The following TMTC1 variants were observed in gnomAD, a reference collection of about 807,000 sequenced individuals.
The protein encoded by TMTC1 is protein O-mannosyl-transferase TMTC1.
A neutral mutation model predicts 104.8 loss-of-function variants in TMTC1; 73 were observed. The observed-to-expected ratio is 0.70, with a 90% confidence interval of 0.58 to 0.85. The LOEUF is 0.85. TMTC1 is among the 40% of genes least tolerant of loss of function. The pLI is 0.00. For synonymous variants in TMTC1, 434 were observed against 428.7 expected (o/e 1.01, Z -0.15); for missense variants, 1,035 against 1,096.1 (o/e 0.94, Z 0.79).
chr12:29,604,376 C>A (rs1209904794), intron 6 of TMTC1, 77 bp from the exon 7 acceptor site: 1 of 1,578,424 alleles, frequency 6.3e-7, no homozygotes, highest in Non-Finnish European at 8.7e-7. Context: ...ATCTCCTTCA[C>A]TTTCAGGTTC....
chr12:29,715,457 C>G (rs540043237), intron 5 of TMTC1, among the ~76,000 whole-genome samples: 1 of 152,256 alleles, frequency 6.6e-6, no homozygotes, highest in East Asian at 1.9e-4. Flanking sequence ...AAAACTTATC[C>G]ATCTCAGTGA....
At chr12:29,766,350 AT>A (rs1244301635) in intron 2 of TMTC1, among the ~76,000 whole-genome samples, 1 of 152,210 alleles carries the variant, frequency 6.6e-6, no homozygotes, top group Non-Finnish European at 1.5e-5. Context: ...TCTTGTGTCC[AT>A]TCAAATAAAC....
intron 5 of TMTC1, among the ~76,000 whole-genome samples, chr12:29,664,109 C>A (rs1197374907): frequency 6.7e-6 from 1 of 149,822 alleles, no homozygotes; most frequent in Non-Finnish European, 1.5e-5. Flanking sequence ...ATGGCGTGAA[C>A]CCGGGAGGCG....
intron 9 of TMTC1, among the ~76,000 whole-genome samples, chr12:29,561,327 C>A (rs562352807): frequency 1.3e-5 from 2 of 152,278 alleles, no homozygotes; most frequent in African/African-American, 4.8e-5. Flanking sequence ...TGGAATAATT[C>A]TTTTCATCTT....
At chr12:29,597,388 G>A (rs1048941248) in intron 7 of TMTC1, among the ~76,000 whole-genome samples, 8 of 151,612 alleles carry the variant, frequency 5.3e-5, no homozygotes, top group South Asian at 4.1e-4. Context: ...CCATGTGAAC[G>A]TCTACGCATC....
rs1031562885 is a variant in TMTC1 at position 29,783,076 on chromosome 12, A to G, written c.302+374T>C. On this transcript the variant is annotated intron_variant, in intron 1 of 17. Coordinates refer to ENST00000539277, the MANE Select transcript of TMTC1 (RefSeq NM_001193451.2). This position sits in a 1 kb window ranked among gnomAD's most constrained non-coding sequence, Gnocchi z 4.7. ...ACTTGGAAGCATCGCCACCACCGCC[A>G]CCCCTCCGGAACCCTCTGGGTCCGC... 33 of 223,248 alleles carry G rather than the reference A, an allele frequency of 1.5e-4. No homozygotes were observed. Among genetic ancestry groups the G allele is most frequent in the Non-Finnish European group, 2.6e-4 (30 of 114,968 alleles). The allele number at this position is 223,248 out of a possible 1,614,324, so 13.8% of individuals were successfully genotyped here.
chr12:29,756,750 G>A (rs902097877), intron 3 of TMTC1, among the ~76,000 whole-genome samples: 4 of 152,060 alleles, frequency 2.6e-5, no homozygotes, highest in Admixed American at 2.0e-4. Context: ...TGAAGTAAAG[G>A]CCAATGTTTC....
At chr12:29,548,593 G>A (rs1945003785) in intron 10 of TMTC1, among the ~76,000 whole-genome samples, 1 of 151,896 alleles carries the variant, frequency 6.6e-6, no homozygotes. Context: ...CTTTGCTCCT[G>A]CTTCACCTTG....
intron 5 of TMTC1, among the ~76,000 whole-genome samples, chr12:29,634,283 T>C (rs373663920): frequency 1.3e-5 from 2 of 152,156 alleles, no homozygotes; most frequent in African/African-American, 4.8e-5. Context: ...AGCATCTCCC[T>C]CAAGGACCCG....
At chr12:29,642,906 C>G (rs1938923269) in intron 5 of TMTC1, among the ~76,000 whole-genome samples, 1 of 150,806 alleles carries the variant, frequency 6.6e-6, no homozygotes, top group Non-Finnish European at 1.5e-5. Context: ...GCCTGGGTGA[C>G]AGAGCGAGAC....
chr12:29,511,525 C>T (rs930527753), intron 17 of TMTC1, among the ~76,000 whole-genome samples: 13 of 152,108 alleles, frequency 8.5e-5, no homozygotes, highest in African/African-American at 3.1e-4. Context: ...TTTGGGAAGA[C>T]TCACCCAAAG....
At chr12:29,513,772 G>C (rs1373354722) in intron 16 of TMTC1, among the ~76,000 whole-genome samples, 2 of 152,104 alleles carry the variant, frequency 1.3e-5, no homozygotes, top group Admixed American at 1.3e-4. Flanking sequence ...CACCTTGTAA[G>C]ATGCAAAACA....
chr12:29,767,826 G>T, intron 2 of TMTC1, 72 bp downstream of exon 2: 1 of 1,369,582 alleles, frequency 7.3e-7, no homozygotes. Context: ...ATATATGTGT[G>T]TGTATACACG....
At position 29,712,095 on chromosome 12, in the gene TMTC1, C is replaced by T. The variant is rs1941946359; in HGVS notation, c.938+39571G>A. On this transcript the variant is annotated intron_variant, in intron 5 of 17. Coordinates refer to ENST00000539277, the MANE Select transcript of TMTC1 (RefSeq NM_001193451.2). ...GCTCTTCATCAGGGGACACTGCTCT[C>T]CAGCTCTCCAATATAACGCAAACTT... Among the ~76,000 whole-genome samples, 5 of 151,698 alleles carry T rather than the reference C, an allele frequency of 3.3e-5. No homozygotes were observed. The South Asian group carries it at 1.0e-3, about 32-fold the overall frequency.
intron 5 of TMTC1, among the ~76,000 whole-genome samples, chr12:29,699,890 C>T: frequency 1.3e-5 from 2 of 152,070 alleles, no homozygotes; most frequent in Non-Finnish European, 1.5e-5. Context: ...GATCCTCCCA[C>T]CTCAACCTCC....
At chr12:29,662,654 G>A (rs1381409151) in intron 5 of TMTC1, among the ~76,000 whole-genome samples, 1 of 124,408 alleles carries the variant, frequency 8.0e-6, no homozygotes, top group Non-Finnish European at 1.7e-5. Context: ...GTGACAGAGC[G>A]AGACTCCGTC....
intron 1 of TMTC1, among the ~76,000 whole-genome samples, chr12:29,777,088 C>A (rs1248643117): frequency 6.9e-6 from 1 of 143,938 alleles, no homozygotes. Flanking sequence ...GCATTCCTTA[C>A]CCCCCTCTCT....
chr12:29,521,562 CTTTCT>C (rs1944161219), intron 11 of TMTC1, among the ~76,000 whole-genome samples: 4 of 99,014 alleles, frequency 4.0e-5, no homozygotes, highest in Admixed American at 1.1e-4. Flanking sequence ...CTTTTTCTTT[CTTTCT>C]TTTTTTTTTT....
chr12:29,586,061 C>G (rs1414629300), intron 7 of TMTC1, among the ~76,000 whole-genome samples: 3 of 152,148 alleles, frequency 2.0e-5, no homozygotes, highest in Non-Finnish European at 4.4e-5. Flanking sequence ...TTGATTCTTC[C>G]TACCCATGAG....
Sources: gnomAD v4.1 joint callset for allele counts (sites outside exome capture counted in the v4.1 genomes callset) on GRCh38, gnomAD v4.1.1 for gene constraint, Gnocchi (gnomAD v3.1) non-coding constraint, MANE v1.5 for transcripts, NCBI Gene and HGNC (gene_info 2026-07-23, HGNC 2026-07-21) for gene names.